The following TENT2 variants were observed in gnomAD, a reference collection of about 807,000 sequenced individuals.
TENT2 encodes terminal nucleotidyltransferase 2, also known as poly(A) RNA polymerase GLD2.
In TENT2, 44 loss-of-function variants were observed where a neutral mutation model predicts 72.2. That is an observed-to-expected ratio of 0.61 (90% CI 0.48 to 0.78). The LOEUF is 0.78. Among genes scored for constraint, TENT2 ranks in the 30% least tolerant of loss-of-function variants. The pLI is 0.00. For synonymous variants in TENT2, 212 were observed against 192.5 expected (o/e 1.10, Z -0.84); for missense variants, 541 against 569.6 (o/e 0.95, Z 0.51).
At chr5:79,648,034 T>G (rs1293474058) in intron 8 of TENT2, among the ~76,000 whole-genome samples, 3 of 152,192 alleles carry the variant, frequency 2.0e-5, no homozygotes, top group Non-Finnish European at 4.4e-5. Flanking sequence ...TCCTGTTGTT[T>G]TAAAGTATAT....
rs1271731263 is a variant in TENT2, at chr5:79,679,600, A to G, written c.1230A>G (p.Ser410=). ...ATAGCTGGAATAGTCAAATGATTTC[A>G]GTTCGTGAAGCCAAAGCCATTCCAA... ...TEFDWNSQMI[S]VREAKAIPRP... Residue 410 remains serine, a synonymous_variant, in exon 13 of 15, where the codon TCA becomes TCG. Coordinates refer to ENST00000453514, the MANE Select transcript of TENT2 (RefSeq NM_001114394.3). The G allele has an allele frequency of 1.2e-6, 2 of 1,600,342 alleles. No individual in the cohort carries two copies. Among genetic ancestry groups the G allele is most frequent in the Non-Finnish European group, 1.7e-6 (2 of 1,172,188 alleles).
chr5:79,683,097 T>C (rs1823314267), intron 14 of TENT2, among the ~76,000 whole-genome samples: 1 of 151,858 alleles, frequency 6.6e-6, no homozygotes, highest in Non-Finnish European at 1.5e-5. Flanking sequence ...TGGGCTATTA[T>C]CAAGTTGCTG....
At chr5:79,640,681 A>T (rs1235127684) in intron 4 of TENT2, among the ~76,000 whole-genome samples, 170 bp from the exon 5 acceptor site, 1 of 152,182 alleles carries the variant, frequency 6.6e-6, no homozygotes. Context: ...TTTTCAGACC[A>T]TTCTCTTCCT....
At chr5:79,618,402 AT>A (rs60143301) in intron 1 of TENT2, among the ~76,000 whole-genome samples, 165 of 145,326 alleles carry the variant, frequency 1.1e-3, no homozygotes, top group African/African-American at 2.6e-3. Flanking sequence ...AATTTTTTTG[AT>A]TTTTTTTTTT....
chr5:79,654,100 G>A (rs376440272), intron 10 of TENT2, among the ~76,000 whole-genome samples: 8 of 152,250 alleles, frequency 5.3e-5, no homozygotes, highest in African/African-American at 1.9e-4. Flanking sequence ...AAGCATGAGG[G>A]GGAATTGAGA....
At chr5:79,681,821 TC>T (rs1822201523) in intron 13 of TENT2, 160 bp from the exon 14 acceptor site, 1 of 558,802 alleles carries the variant, frequency 1.8e-6, no homozygotes, top group African/African-American at 1.9e-5. Context: ...ATCAAGCTTT[TC>T]TGTATACATA....
chr5:79,667,228 A>G (rs1316601290), intron 11 of TENT2, among the ~76,000 whole-genome samples: 2 of 152,220 alleles, frequency 1.3e-5, no homozygotes, highest in Non-Finnish European at 2.9e-5. Flanking sequence ...TATTCAGTTC[A>G]TAAATTGAAT....
chr5:79,672,115 A>G (rs1813412561), intron 12 of TENT2, among the ~76,000 whole-genome samples: 1 of 150,200 alleles, frequency 6.7e-6, no homozygotes, highest in Non-Finnish European at 1.5e-5. Flanking sequence ...AAAAAAAAAC[A>G]AAAAACTATT....
intron 4 of TENT2, among the ~76,000 whole-genome samples, chr5:79,636,314 A>G (rs1780087904): frequency 6.6e-6 from 1 of 152,174 alleles, no homozygotes; most frequent in South Asian, 2.1e-4. Flanking sequence ...TGACCATAAC[A>G]ATTAACAACA....
intron 11 of TENT2, among the ~76,000 whole-genome samples, chr5:79,662,951 G>A (rs1482534946): frequency 1.3e-5 from 2 of 152,208 alleles, no homozygotes; most frequent in East Asian, 3.9e-4. Flanking sequence ...GCTATTTAGT[G>A]TAGCTGCATT....
chr5:79,659,574 A>T (rs59466807), intron 11 of TENT2, among the ~76,000 whole-genome samples: 1 of 120,358 alleles, frequency 8.3e-6, no homozygotes, highest in South Asian at 2.8e-4. Flanking sequence ...ATATATATAT[A>T]TATATATATA....
At chr5:79,615,058 G>A (rs1758524348) in intron 1 of TENT2, 1 of 152,202 alleles carries the variant, frequency 6.6e-6, no homozygotes, top group Non-Finnish European at 1.5e-5. Context: ...GAGGCTGACA[G>A]ATCCTTTGTT....
At chr5:79,656,438 T>G (rs1292849339) in intron 10 of TENT2, among the ~76,000 whole-genome samples, 2 of 152,010 alleles carry the variant, frequency 1.3e-5, no homozygotes, top group Non-Finnish European at 2.9e-5. Flanking sequence ...TGATTTTTTT[T>G]GTTGTTATTT....
At position 79,628,938 on chromosome 5, in the gene TENT2, T is replaced by A. The variant is rs968188575; in HGVS notation, c.465+5449T>A. On this transcript the variant is annotated intron_variant, in intron 4 of 14. Coordinates refer to ENST00000453514, the MANE Select transcript of TENT2 (RefSeq NM_001114394.3). ...ATGCTGCTGCAGGGGATATTAGAAA[T>A]ACACAAAATAGAGTTGAGATGCTGG... Among the ~76,000 whole-genome samples, 4 of 152,282 alleles carry A rather than the reference T, an allele frequency of 2.6e-5. No homozygotes were observed. In the East Asian group the frequency reaches 7.7e-4, roughly 29 times the overall value.
At chr5:79,634,166 A>C (rs997789700) in intron 4 of TENT2, among the ~76,000 whole-genome samples, 3 of 151,498 alleles carry the variant, frequency 2.0e-5, no homozygotes, top group Non-Finnish European at 1.5e-5. Context: ...AAAAAAAAAA[A>C]AAAAAAACTT....
chr5:79,619,875 G>A, intron 2 of TENT2, 90 bp downstream of exon 2: 2 of 1,505,260 alleles, frequency 1.3e-6, no homozygotes, highest in Admixed American at 4.2e-5. Context: ...TTTGAACATG[G>A]AGAATATGTC....
In TENT2 at chr5:79,620,079, A is replaced by G; in HGVS notation, c.223A>G (p.Arg75Gly). Residue 75 changes from arginine to glycine, a missense_variant, in exon 3 of 15, where the codon AGG (arginine) becomes GGG (glycine). Physicochemically the swap from Arg to Gly is moderately radical, Grantham distance 125. Coordinates refer to ENST00000453514, the MANE Select transcript of TENT2 (RefSeq NM_001114394.3). ...QTSASPLFRG[R>G]KRLSDEKNLP... ...CTCAGCTTCCCCATTATTTCGAGGA[A>G]GGAAGTAAGTACTTCTTAATTATTT... 1 of 1,592,656 alleles carries G rather than the reference A, an allele frequency of 6.3e-7. No homozygotes were observed. Among genetic ancestry groups the G allele is most frequent in the Non-Finnish European group, 8.6e-7 (1 of 1,161,994 alleles).
chr5:79,641,546 A>T (rs1199239189), intron 6 of TENT2, among the ~76,000 whole-genome samples: 1 of 150,960 alleles, frequency 6.6e-6, no homozygotes. Context: ...TTCTTGATGT[A>T]TTTCCTTTCC....
chr5:79,662,169 T>A (rs948557881), intron 11 of TENT2, among the ~76,000 whole-genome samples: 1 of 152,224 alleles, frequency 6.6e-6, no homozygotes, highest in African/African-American at 2.4e-5. Context: ...TAAAGTTTTA[T>A]CATGAAATTG....
Sources: allele counts gnomAD v4.1 joint callset (sites outside exome capture counted in the v4.1 genomes callset), GRCh38; gene constraint gnomAD v4.1.1; transcripts MANE v1.5; gene names NCBI Gene and HGNC (gene_info 2026-07-23, HGNC 2026-07-21).